PIEZO1: variants seen among roughly 807,000 people sequenced by gnomAD.
PIEZO1 encodes the protein piezo-type mechanosensitive ion channel component 1.
Under a neutral mutation model 297.2 loss-of-function variants are expected in PIEZO1, and 296 were observed. That is an observed-to-expected ratio of 1.00 (90% CI 0.91 to 1.10). PIEZO1 has a LOEUF of 1.10. PIEZO1 is among the 50% of genes least tolerant of loss of function. The pLI is 0.00. For missense variants in PIEZO1, 5,018 were observed against 3,455.5 expected, an observed-to-expected ratio of 1.45 and a Z score of -11.34; for synonymous variants, 2,427 against 1,507.5, an observed-to-expected ratio of 1.61 and a Z score of -14.13.
At chr16:88,754,844 A>G (rs1430278476) in intron 1 of PIEZO1, among the ~76,000 whole-genome samples, 4 of 152,214 alleles carry the variant, frequency 2.6e-5, no homozygotes, top group African/African-American at 7.2e-5. Flanking sequence ...ACAGGAGCTG[A>G]GGCTGCATCA....
At chr16:88,766,419 A>G (rs1335503590) in intron 1 of PIEZO1, among the ~76,000 whole-genome samples, 2 of 152,220 alleles carry the variant, frequency 1.3e-5, no homozygotes, top group African/African-American at 2.4e-5. Context: ...AGCTCCTTAA[A>G]ATAAATACCC....
intron 1 of PIEZO1, among the ~76,000 whole-genome samples, chr16:88,762,508 C>A (rs1238021659): frequency 6.6e-6 from 1 of 152,120 alleles, no homozygotes; most frequent in Non-Finnish European, 1.5e-5. Context: ...GAGGATGTGT[C>A]TGGGGAGGAG....
intron 1 of PIEZO1, among the ~76,000 whole-genome samples, chr16:88,768,665 TC>T (rs1907287643): frequency 6.6e-6 from 1 of 152,186 alleles, no homozygotes; most frequent in Non-Finnish European, 1.5e-5. Context: ...CAGCCGCTCC[TC>T]CCTTCTCCCT....
At chr16:88,755,235 C>T (rs1485813068) in intron 1 of PIEZO1, among the ~76,000 whole-genome samples, 3 of 152,230 alleles carry the variant, frequency 2.0e-5, no homozygotes, top group Admixed American at 1.3e-4. Context: ...GTGGCTCGGG[C>T]CTAGCTGGCT....
chr16:88,722,635 C>T lies in PIEZO1; in HGVS notation c.4723G>A (p.Ala1575Thr), dbSNP rs1241568878. ...GCCTCGGTGGGGCCTGGCAGCGTGGCCTCGGCCTGGCTTGTGTACAGCTGA... is the reference window on the plus strand; with the variant it reads ...GCCTCGGTGGGGCCTGGCAGCGTGGTCTCGGCCTGGCTTGTGTACAGCTGA... ...LDQLYTSQAE[A>T]TLPGPTEAPN... The change falls in exon 35 of 51, where the codon GCC becomes ACC. Residue 1575 changes from alanine to threonine, a missense_variant. By Grantham distance (58) the Ala-to-Thr change is moderately conservative (BLOSUM62 0). Coordinates refer to ENST00000301015, the MANE Select transcript of PIEZO1 (RefSeq NM_001142864.4). 6.5e-7 allele frequency: 1 copy of T among 1,538,594 alleles called. No individual in the cohort carries two copies. Among genetic ancestry groups the T allele is most frequent in the Non-Finnish European group, 8.7e-7 (1 of 1,146,130 alleles).
intron 21 of PIEZO1, 86 bp from the exon 22 acceptor site, chr16:88,731,996 G>C (rs904030992): frequency 6.0e-6 from 2 of 333,138 alleles, no homozygotes; most frequent in East Asian, 5.2e-5. Context: ...CCTCAGGCTT[G>C]CAGCAGCCCT....
rs1271767766 is a variant in PIEZO1, at chr16:88,716,127, G to A, written c.7130-8C>T. 3.2e-6 allele frequency: 5 copies of A among 1,539,132 alleles called. No homozygotes were observed. In the South Asian group the frequency reaches 4.8e-5, roughly 15 times the overall value. Reference sequence around the variant, plus strand: ...GGTAGTCGGCCTCCTCATCTGGGATGGAGGGAGAAGATCGTTGAGGCCGCA... The same window carrying A: ...GGTAGTCGGCCTCCTCATCTGGGATAGAGGGAGAAGATCGTTGAGGCCGCA... On this transcript the variant is annotated splice_polypyrimidine_tract_variant and splice_region_variant and intron_variant, in intron 49 of 50. Transcript: ENST00000301015.
At position 88,716,684 on chromosome 16, in the gene PIEZO1, C is replaced by T. The variant is rs762971243; in HGVS notation, c.6801G>A (p.Thr2267=). ...CCCCGGAGCTGCCCTCAATCTGCGC[C>T]GTGACGATGTCCTCAGGGCTGTACT... ...ISQYSPEDIV[T]AQIEGSSGAL... The change falls in exon 47 of 51, where the codon ACG becomes ACA. Residue 2267 remains threonine (T), a synonymous_variant. Transcript: ENST00000301015. 7.6e-5 allele frequency: 117 copies of T among 1,548,948 alleles called. No individual in the cohort carries two copies. The highest frequency in any genetic ancestry group is 6.7e-4 in the Admixed American group (34 of 50,994).
chr16:88,738,139 C>G, intron 7 of PIEZO1, 34 bp from the exon 8 acceptor site: 2 of 1,535,530 alleles, frequency 1.3e-6, no homozygotes, highest in South Asian at 1.2e-5. Flanking sequence ...GCCTACCACC[C>G]CAGAGGCAGT....
intron 2 of PIEZO1, chr16:88,743,133 G>A (rs1202345997): frequency 4.4e-6 from 2 of 456,338 alleles, no homozygotes; most frequent in Non-Finnish European, 4.4e-6. Flanking sequence ...GCTCCCAGCT[G>A]CCTGTGGCCC....
Position 88,726,715 on chromosome 16 carries a change from C to A in PIEZO1, c.3699G>T (p.Ser1233=), listed in dbSNP as rs756007857. 6.5e-7 allele frequency: 1 copy of A among 1,549,230 alleles called. No individual in the cohort carries two copies. The highest frequency in any genetic ancestry group is 2.4e-5 in the East Asian group (1 of 40,902). Reference sequence around the variant, plus strand: ...GGGTGCGGGGGGGCCGGAGGCTCACCGACAGCATGTTCTTGGAGATGATGA... The same window carrying A: ...GGGTGCGGGGGGGCCGGAGGCTCACAGACAGCATGTTCTTGGAGATGATGA... ...VTVIISKNML[S]LLACVFVEQM... Residue 1233 remains serine, a splice_region_variant and synonymous_variant, in exon 25 of 51, where the codon TCG becomes TCT. Coordinates refer to ENST00000301015, the MANE Select transcript of PIEZO1 (RefSeq NM_001142864.4).
chr16:88,760,054 C>T (rs1230332958), intron 1 of PIEZO1, among the ~76,000 whole-genome samples: 2 of 152,224 alleles, frequency 1.3e-5, no homozygotes, highest in African/African-American at 2.4e-5. Flanking sequence ...AAGGCCCCAG[C>T]GGACGTGACA....
chr16:88,721,345 C>T lies in PIEZO1; in HGVS notation c.5489G>A (p.Gly1830Glu), dbSNP rs761150284. The T allele has an allele frequency of 2.1e-5, 32 of 1,548,308 alleles. No homozygotes were observed. In the Middle Eastern group the frequency reaches 5.0e-4, roughly 24 times the overall value. The change falls in exon 39 of 51, where the codon GGG becomes GAG. Residue 1830 changes from glycine to glutamate, a missense_variant. By Grantham distance (98) the Gly-to-Glu change is moderately conservative (BLOSUM62 -2). Transcript: ENST00000301015. ...GGTGGTGGCCGCAGGCACCCCTGGC[C>T]CCTCCTCGGCTCCCTGCTCCTCCTC... ...SGEEEQGAEE[G>E]PGVPAATTED...
In PIEZO1 at chr16:88,721,148, G is replaced by A. The variant is rs773172534; in HGVS notation, c.5668+18C>T. 1 of 1,470,722 alleles carries A rather than the reference G, an allele frequency of 6.8e-7. No homozygotes were observed. Among genetic ancestry groups the A allele is most frequent in the South Asian group, 1.3e-5 (1 of 75,668 alleles). The allele number at this position is 1,470,722 out of a possible 1,614,324, so 91.1% of individuals were successfully genotyped here. ...GAAAACTGGGTAGGCAGGAGGTTGT[G>A]AGGCAGGGCGCTTATACCGATGGCT... On this transcript the variant is annotated intron_variant, in intron 39 of 50. Transcript: ENST00000301015.
intron 1 of PIEZO1, among the ~76,000 whole-genome samples, chr16:88,759,783 G>A (rs1292095731): frequency 2.0e-5 from 3 of 152,292 alleles, no homozygotes; most frequent in African/African-American, 2.4e-5. Flanking sequence ...CAGACGCCCC[G>A]TGCAGCGTTC....
chr16:88,784,718 C>A (rs1325752481), intron 1 of PIEZO1, among the ~76,000 whole-genome samples, 183 bp downstream of exon 1: 2 of 151,650 alleles, frequency 1.3e-5, no homozygotes, highest in Non-Finnish European at 2.9e-5. Context: ...GGGACAGGAG[C>A]CCCGCCGCCG....
At chr16:88,766,922 A>T (rs899779582) in intron 1 of PIEZO1, among the ~76,000 whole-genome samples, 2 of 152,158 alleles carry the variant, frequency 1.3e-5, no homozygotes, top group African/African-American at 2.4e-5. Flanking sequence ...TTTCCATGAA[A>T]TCTCAGAGAA....
rs375008898 is a variant in PIEZO1 at position 88,721,820 on chromosome 16, G to T, written c.5202C>A (p.Ile1734=). 3.2e-6 allele frequency: 5 copies of T among 1,546,386 alleles called. No homozygotes were observed. The African/African-American group carries it at 5.5e-5, about 17-fold the overall frequency. Residue 1734 remains isoleucine, a synonymous_variant, in exon 37 of 51, where the codon ATC becomes ATA. Transcript: ENST00000301015. ...RPSKRFWMTA[I]VFTEIAVVVK... Reference sequence around the variant, plus strand: ...GGCCTCGGCCCACCTCGGTGAAGACGATGGCCGTCATCCAGAAGCGCTTGC... The same window carrying T: ...GGCCTCGGCCCACCTCGGTGAAGACTATGGCCGTCATCCAGAAGCGCTTGC...
chr16:88,753,161 CCCCCAGAGCACACCTATCCAT>C (rs1906480811), intron 1 of PIEZO1, among the ~76,000 whole-genome samples: 2 of 104,984 alleles, frequency 1.9e-5, no homozygotes, highest in Admixed American at 9.8e-5. Context: ...CACAACCGCC[CCCCCAGAGCACACCTATCCAT>C]CCCCAGAGCA....
Sources: gnomAD v4.1 joint callset for allele counts (sites outside exome capture counted in the v4.1 genomes callset) on GRCh38, gnomAD v4.1.1 for gene constraint, MANE v1.5 for transcripts, NCBI Gene and HGNC (gene_info 2026-07-23, HGNC 2026-07-21) for gene names.